Variants in PPP2R2B observed in about 807,000 individuals in gnomAD.
PPP2R2B encodes protein phosphatase 2 regulatory subunit Bbeta, also known as serine/threonine-protein phosphatase 2A 55 kDa regulatory subunit B beta isoform.
A neutral mutation model predicts 46.0 loss-of-function variants in PPP2R2B; 5 were observed. The ratio of observed to expected loss-of-function variants is 0.11; its 90% CI spans 0.06 to 0.23. The LOEUF (loss-of-function observed/expected upper bound fraction) is 0.23, where lower values mean the gene tolerates loss of function less well. PPP2R2B is among the 10% of genes least tolerant of loss of function. The pLI, the probability that PPP2R2B is intolerant of heterozygous loss-of-function variation, is 1.00. For missense variants in PPP2R2B, 367 were observed against 575.0 expected, an observed-to-expected ratio of 0.64 and a Z score of 3.70; for synonymous variants, 215 against 206.7, an observed-to-expected ratio of 1.04 and a Z score of -0.34.
intron 2 of PPP2R2B, among the ~76,000 whole-genome samples, chr5:146,781,762 G>A (rs888486172): frequency 3.9e-5 from 6 of 152,116 alleles, no homozygotes; most frequent in African/African-American, 7.2e-5. Context: ...TATATTTCAG[G>A]ATATTACAAC....
intron 1 of PPP2R2B, among the ~76,000 whole-genome samples, chr5:146,983,405 C>T (rs1027222686): frequency 9.2e-5 from 14 of 152,138 alleles, no homozygotes; most frequent in Admixed American, 1.3e-4. Context: ...TGGTCTTGAT[C>T]TCCTGACCTC....
chr5:146,814,413 G>A (rs1582171478), intron 2 of PPP2R2B, among the ~76,000 whole-genome samples: 1 of 152,172 alleles, frequency 6.6e-6, no homozygotes, highest in South Asian at 2.1e-4. Flanking sequence ...CACCAGGAAT[G>A]TCAGGAGACC....
rs137949819 is a variant in PPP2R2B, at chr5:146,962,217, T to A, written c.79+93448A>T. On this transcript the variant is annotated intron_variant, in intron 1 of 8. Transcript: ENST00000336640. ...AGCACAATACACTTGTTTTTTTCTTTGGGTCAGTTCAAATTGATCATGCCA... is the reference window on the plus strand; with the variant it reads ...AGCACAATACACTTGTTTTTTTCTTAGGGTCAGTTCAAATTGATCATGCCA... Among the ~76,000 whole-genome samples, 393 of 150,454 alleles carry A rather than the reference T, an allele frequency of 2.6e-3. 5 individuals are homozygous for A. Among genetic ancestry groups the A allele is most frequent in the African/African-American group, 9.0e-3 (369 of 40,818 alleles).
At chr5:146,982,826 C>T (rs1347022830) in intron 1 of PPP2R2B, among the ~76,000 whole-genome samples, 1 of 152,000 alleles carries the variant, frequency 6.6e-6, no homozygotes, top group African/African-American at 2.4e-5. Flanking sequence ...TTAGAGTCTA[C>T]TTTATCTGAT....
chr5:146,780,152 T>C (rs901665230), intron 2 of PPP2R2B, among the ~76,000 whole-genome samples: 16 of 152,198 alleles, frequency 1.1e-4, no homozygotes, highest in Admixed American at 3.9e-4. Context: ...CAACACTTTG[T>C]AGAGCTGTGG....
intron 2 of PPP2R2B, among the ~76,000 whole-genome samples, chr5:146,715,798 C>G (rs1274591659): frequency 6.6e-6 from 1 of 152,112 alleles, no homozygotes; most frequent in Non-Finnish European, 1.5e-5. Context: ...TTCCTATTCT[C>G]TTCTGTATAC....
At position 146,878,430 on chromosome 5, in the gene PPP2R2B, G is replaced by C; in HGVS notation, c.-125+161C>G. ...GCCCGCCCCGGAGGCGCTCACAAGC[G>C]GGTCTGGGGAGATGCCCAACAGGTT... On this transcript the variant is annotated intron_variant, in intron 1 of 9. Coordinates refer to ENST00000394411, the MANE Select transcript of PPP2R2B (RefSeq NM_181675.4). This position sits in a 1 kb window ranked among gnomAD's most constrained non-coding sequence, Gnocchi z 4.5. 7.3e-7 allele frequency: 1 copy of C among 1,373,892 alleles called. No individual in the cohort carries two copies. Among genetic ancestry groups the C allele is most frequent in the African/African-American group, 1.5e-5 (1 of 67,374 alleles). The allele number at this position is 1,373,892 out of a possible 1,614,324, so 85.1% of individuals were successfully genotyped here.
intron 2 of PPP2R2B, among the ~76,000 whole-genome samples, chr5:146,872,609 T>G (rs950733556): frequency 1.3e-5 from 2 of 152,184 alleles, no homozygotes; most frequent in Non-Finnish European, 2.9e-5. Context: ...GAATCTTTAC[T>G]TCCTCACTTT....
intron 2 of PPP2R2B, chr5:146,706,270 C>A (rs1779843823): frequency 2.0e-6 from 1 of 495,114 alleles, no homozygotes; most frequent in East Asian, 4.8e-5. Context: ...TCTTCACAAC[C>A]ATGGCCCTGG....
chr5:146,648,511 G>T (rs954575386), intron 6 of PPP2R2B, among the ~76,000 whole-genome samples: 2 of 152,046 alleles, frequency 1.3e-5, no homozygotes, highest in Admixed American at 1.3e-4. Context: ...AACTTGACAG[G>T]TTCAATAATT....
At chr5:146,819,763 T>C (rs1758147101) in intron 2 of PPP2R2B, among the ~76,000 whole-genome samples, 1 of 152,192 alleles carries the variant, frequency 6.6e-6, no homozygotes. Flanking sequence ...TCCCACTACT[T>C]GGTATATATC....
At chr5:146,642,781 G>C (rs745570717) in intron 6 of PPP2R2B, among the ~76,000 whole-genome samples, 1 of 152,140 alleles carries the variant, frequency 6.6e-6, no homozygotes, top group Admixed American at 6.5e-5. Flanking sequence ...TTAGGGCCAC[G>C]CATGGTGGCT....
At chr5:146,970,448 T>C (rs531576091) in intron 1 of PPP2R2B, among the ~76,000 whole-genome samples, 2 of 152,060 alleles carry the variant, frequency 1.3e-5, no homozygotes, top group South Asian at 2.1e-4. Flanking sequence ...TAAAAAAAAT[T>C]AGCCATGCGT....
At chr5:147,052,562 G>T (rs887983463) in intron 1 of PPP2R2B, among the ~76,000 whole-genome samples, 20 of 152,258 alleles carry the variant, frequency 1.3e-4, no homozygotes, top group South Asian at 4.1e-4. Context: ...AGAGTTGAAG[G>T]TTGGAATTAA....
chr5:146,736,623 C>T (rs1262771892), intron 2 of PPP2R2B, among the ~76,000 whole-genome samples: 11 of 152,172 alleles, frequency 7.2e-5, no homozygotes, highest in Admixed American at 5.9e-4. Context: ...CCATCTTCTT[C>T]CCAGCCCCCA....
chr5:147,013,927 C>CT (rs1754863664), intron 1 of PPP2R2B, among the ~76,000 whole-genome samples: 1 of 148,422 alleles, frequency 6.7e-6, no homozygotes. Flanking sequence ...GCAAAAGAAA[C>CT]TACCATCAGA....
intron 2 of PPP2R2B, among the ~76,000 whole-genome samples, chr5:146,833,428 G>T (rs1759078881): frequency 6.6e-6 from 1 of 152,146 alleles, no homozygotes; most frequent in African/African-American, 2.4e-5. Context: ...CTCTTAGGCT[G>T]CCTTGAAACA....
In PPP2R2B at chr5:146,582,940, C is replaced by A. The variant is rs1475907505; in HGVS notation, c.*7007G>T. 6.6e-6 allele frequency: 1 copy of A among 152,212 alleles called. No individual in the cohort carries two copies. Among genetic ancestry groups the A allele is most frequent in the Non-Finnish European group, 1.5e-5 (1 of 68,054 alleles). The allele number at this position is 152,212 out of a possible 1,614,324, so 9.4% of individuals were successfully genotyped here. ...ATTGGAGAAGCTCCTGATATGTGAA[C>A]CACACTAAGTCCATGCATTATTATT... On this transcript the variant is annotated 3_prime_UTR_variant, in exon 10 of 10. Transcript: ENST00000394411.
At chr5:146,629,469 A>ATT (rs1774280026) in intron 7 of PPP2R2B, among the ~76,000 whole-genome samples, 1 of 152,134 alleles carries the variant, frequency 6.6e-6, no homozygotes, top group Non-Finnish European at 1.5e-5. Context: ...GGTCAAAGCC[A>ATT]TTATCATGTC....
Sources: allele counts gnomAD v4.1 joint callset (sites outside exome capture counted in the v4.1 genomes callset), GRCh38; gene constraint gnomAD v4.1.1; non-coding constraint Gnocchi (gnomAD v3.1); transcripts MANE v1.5; gene names NCBI Gene and HGNC (gene_info 2026-07-23, HGNC 2026-07-21).